Variants in TNKS observed in about 807,000 individuals in gnomAD.
TNKS encodes tankyrase.
A neutral mutation model predicts 135.8 loss-of-function variants in TNKS; 72 were observed. The ratio of observed to expected loss-of-function variants is 0.53; its 90% CI spans 0.44 to 0.64. The LOEUF is 0.64. TNKS is among the 30% of genes least tolerant of loss of function. TNKS has a pLI of 0.00. For synonymous variants in TNKS, 849 were observed against 649.3 expected, an observed-to-expected ratio of 1.31 and a Z score of -4.68; for missense variants, 1,769 against 1,674.0, an observed-to-expected ratio of 1.06 and a Z score of -0.99.
At chr8:9,699,334 G>C (rs1336423947) in intron 5 of TNKS, among the ~76,000 whole-genome samples, 1 of 152,108 alleles carries the variant, frequency 6.6e-6, no homozygotes, top group Non-Finnish European at 1.5e-5. Context: ...TTAGTCCTAG[G>C]GTGTGTGATT....
At chr8:9,601,930 G>C (rs939983031) in intron 2 of TNKS, among the ~76,000 whole-genome samples, 2 of 152,092 alleles carry the variant, frequency 1.3e-5, no homozygotes, top group Admixed American at 1.3e-4. Flanking sequence ...AAAGCGTTCA[G>C]AGGCCCGGGA....
chr8:9,709,721 A>G (rs1354878724), intron 9 of TNKS, among the ~76,000 whole-genome samples: 1 of 152,252 alleles, frequency 6.6e-6, no homozygotes, highest in Non-Finnish European at 1.5e-5. Flanking sequence ...CAAAAGAAAT[A>G]AGATCTCTCT....
intron 2 of TNKS, among the ~76,000 whole-genome samples, chr8:9,612,565 A>T (rs2128764131): frequency 6.6e-6 from 1 of 152,270 alleles, no homozygotes; most frequent in South Asian, 2.1e-4. Context: ...ATGGTTTTTT[A>T]AAAAATCAGA....
intron 11 of TNKS, among the ~76,000 whole-genome samples, chr8:9,719,267 G>A (rs774083247): frequency 2.6e-5 from 4 of 152,074 alleles, no homozygotes; most frequent in Admixed American, 6.5e-5. Flanking sequence ...CTGGCGACAG[G>A]GAGACTAGTT....
chr8:9,718,023 T>TATG (rs10654953), intron 11 of TNKS, among the ~76,000 whole-genome samples: 135,969 of 151,756 alleles, frequency 0.9, 61,131 homozygotes, highest in Non-Finnish European at 0.94. Flanking sequence ...TGTCAGAAGT[T>TATG]ATTAGTTAGT....
At chr8:9,761,466 CT>C in intron 20 of TNKS, 49 bp from the exon 21 acceptor site, 1 of 1,589,950 alleles carries the variant, frequency 6.3e-7, no homozygotes, top group Non-Finnish European at 8.5e-7. Context: ...AGCTTTTGTC[CT>C]CTTAAGAACT....
intron 5 of TNKS, among the ~76,000 whole-genome samples, chr8:9,698,033 A>G (rs1241555784): frequency 1.3e-5 from 2 of 152,182 alleles, no homozygotes; most frequent in Non-Finnish European, 2.9e-5. Context: ...GGATAAAGAA[A>G]ATGTGGTACA....
rs761681749 is a variant in TNKS, at chr8:9,741,814, C to T, written c.2644-6210C>T. 4 of 451,972 alleles carry T rather than the reference C, an allele frequency of 8.9e-6. No homozygotes were observed. The East Asian group carries it at 2.3e-4, about 26-fold the overall frequency. The allele number at this position is 451,972 out of a possible 1,614,324, so 28.0% of individuals were successfully genotyped here. A position where few individuals can be genotyped will look rare whatever the true frequency, so the allele number is the denominator to read the frequency against. Reference sequence around the variant, plus strand: ...TCCCTTGAGGCTGACTTGCTGTCACCTGAAGAGAGGTGTAATGCAATCGGT... The same window carrying T: ...TCCCTTGAGGCTGACTTGCTGTCACTTGAAGAGAGGTGTAATGCAATCGGT... On this transcript the variant is annotated intron_variant, in intron 17 of 26. Coordinates refer to ENST00000310430, the MANE Select transcript of TNKS (RefSeq NM_003747.3).
At chr8:9,721,775 C>T (rs1209063110) in intron 12 of TNKS, among the ~76,000 whole-genome samples, 2 of 152,080 alleles carry the variant, frequency 1.3e-5, no homozygotes, top group African/African-American at 4.8e-5. Context: ...CTAACTAGAT[C>T]GGGCATGGTG....
At position 9,610,530 on chromosome 8, in the gene TNKS, T is replaced by C. The variant is rs537333288; in HGVS notation, c.899-5052T>C. 9.9e-5 allele frequency among the ~76,000 whole-genome samples: 15 copies of C among 152,236 alleles called. No homozygotes were observed. The South Asian group carries it at 2.9e-3, about 29-fold the overall frequency. On this transcript the variant is annotated intron_variant, in intron 2 of 26. Coordinates refer to ENST00000310430, the MANE Select transcript of TNKS (RefSeq NM_003747.3). ...TCATGTGTATTGGTAAAGAATCTTA[T>C]ACATTGAAGGCTGTACTGTAGTGAA...
intron 9 of TNKS, 79 bp downstream of exon 9, chr8:9,708,571 C>G: frequency 7.7e-7 from 1 of 1,296,712 alleles, no homozygotes; most frequent in Non-Finnish European, 1.0e-6. Flanking sequence ...TTTCAGAAAC[C>G]TTAAAGTAAC....
chr8:9,693,520 G>A (rs1348804746), intron 5 of TNKS, among the ~76,000 whole-genome samples: 2 of 152,032 alleles, frequency 1.3e-5, no homozygotes, highest in African/African-American at 4.8e-5. Context: ...ATTTTTAGAG[G>A]GAATGTGGTA....
chr8:9,750,597 C>G (rs1806468955), intron 18 of TNKS, among the ~76,000 whole-genome samples: 1 of 152,178 alleles, frequency 6.6e-6, no homozygotes, highest in Admixed American at 6.5e-5. Context: ...CTTCCATTCA[C>G]AGCCTCCCTC....
At chr8:9,582,895 G>C (rs1236643625) in intron 2 of TNKS, among the ~76,000 whole-genome samples, 1 of 152,002 alleles carries the variant, frequency 6.6e-6, no homozygotes, top group Admixed American at 6.5e-5. Flanking sequence ...GGGCAGGCGC[G>C]GTGGCTCACG....
rs1808468418 is a variant in TNKS, at chr8:9,781,787, G to T, written c.*5051G>T. 6.6e-6 allele frequency: 1 copy of T among 152,598 alleles called. No homozygotes were observed. The highest frequency in any genetic ancestry group is 2.1e-4 in the South Asian group (1 of 4,826). The allele number at this position is 152,598 out of a possible 1,614,324, so 9.5% of individuals were successfully genotyped here. A position where few individuals can be genotyped will look rare whatever the true frequency, so the allele number is the denominator to read the frequency against. The stretch of plus-strand genomic sequence containing the variant: ...GGTCTGTGTGAGCAACCAGTGTAGT[G>T]ACTCTTTGGTTCATTATTCGTGTTG... On this transcript the variant is annotated 3_prime_UTR_variant, in exon 27 of 27. Transcript: ENST00000310430.
At chr8:9,688,630 TTTTTC>T (rs1432033988) in intron 5 of TNKS, among the ~76,000 whole-genome samples, 3 of 152,016 alleles carry the variant, frequency 2.0e-5, no homozygotes, top group South Asian at 4.2e-4. Context: ...GAGCAAGTTT[TTTTTC>T]TTTTCTTTTC....
chr8:9,605,282 C>T (rs1799171710), intron 2 of TNKS, among the ~76,000 whole-genome samples: 3 of 151,952 alleles, frequency 2.0e-5, no homozygotes, highest in South Asian at 2.1e-4. Flanking sequence ...GCTTCTTTTG[C>T]TCATCATGTT....
At chr8:9,757,411 A>C (rs1009997180) in intron 20 of TNKS, among the ~76,000 whole-genome samples, 1 of 152,114 alleles carries the variant, frequency 6.6e-6, no homozygotes, top group Non-Finnish European at 1.5e-5. Flanking sequence ...TACAGTACTT[A>C]AGGTCCCTCA....
At chr8:9,622,304 G>A (rs545919809) in intron 3 of TNKS, among the ~76,000 whole-genome samples, 63 of 152,236 alleles carry the variant, frequency 4.1e-4, no homozygotes, top group African/African-American at 1.4e-3. Flanking sequence ...CATACTGAAT[G>A]TTTAGATTCT....
Sources: allele counts gnomAD v4.1 joint callset (sites outside exome capture counted in the v4.1 genomes callset), GRCh38; gene constraint gnomAD v4.1.1; transcripts MANE v1.5; gene names NCBI Gene and HGNC (gene_info 2026-07-23, HGNC 2026-07-21).